Variants in GAP43 observed in about 807,000 individuals in gnomAD.
GAP43 encodes neuromodulin.
Under a neutral mutation model 18.6 loss-of-function variants are expected in GAP43, and 6 were observed. That is an observed-to-expected ratio of 0.32 (90% CI 0.18 to 0.64). The LOEUF is 0.64. Among genes scored for constraint, GAP43 ranks in the 30% least tolerant of loss-of-function variants. GAP43 has a pLI of 0.78. For synonymous variants in GAP43, 115 were observed against 111.4 expected, an observed-to-expected ratio of 1.03 and a Z score of -0.20; for missense variants, 292 against 295.5, an observed-to-expected ratio of 0.99 and a Z score of 0.09.
intron 1 of GAP43, among the ~76,000 whole-genome samples, chr3:115,628,115 T>G (rs1420206432): frequency 6.6e-6 from 1 of 152,092 alleles, no homozygotes; most frequent in Non-Finnish European, 1.5e-5. Flanking sequence ...AATTTGAGGC[T>G]TGTCTTAGAG....
intron 1 of GAP43, among the ~76,000 whole-genome samples, chr3:115,640,442 G>A (rs1576979027): frequency 6.6e-6 from 1 of 152,092 alleles, no homozygotes; most frequent in African/African-American, 2.4e-5. Context: ...TAATTCATTT[G>A]CTATTCCACT....
Position 115,631,084 on chromosome 3 carries a change from T to C in GAP43, c.30+7365T>C, listed in dbSNP as rs11921471. ...CCTCACAAGGTGGATGTAGTCAAAG[T>C]TCAATTCCCTCTCCTGTCTGCTTAG... On this transcript the variant is annotated intron_variant, in intron 1 of 2. Transcript: ENST00000305124. 5.3e-3 allele frequency among the ~76,000 whole-genome samples: 814 copies of C among 152,318 alleles called. 4 individuals are homozygous for C. The highest frequency in any genetic ancestry group is 0.019 in the African/African-American group (775 of 41,584).
chr3:115,682,527 AT>A (rs1708970516), intron 2 of GAP43, among the ~76,000 whole-genome samples: 1 of 152,130 alleles, frequency 6.6e-6, no homozygotes, highest in Non-Finnish European at 1.5e-5. Context: ...GAAGAGACAA[AT>A]TAAAGAGCAA....
intron 2 of GAP43, among the ~76,000 whole-genome samples, chr3:115,698,055 TAAA>T (rs1406033304): frequency 1.9e-5 from 1 of 53,430 alleles, no homozygotes; most frequent in African/African-American, 1.2e-4. Flanking sequence ...ATATATTATA[TAAA>T]ATATATATTA....
chr3:115,698,133 T>TATATATTATATATAATATATAAA (rs1709233822), intron 2 of GAP43, among the ~76,000 whole-genome samples: 1 of 9,412 alleles, frequency 1.1e-4, no homozygotes, highest in East Asian at 0.017. Context: ...TTATATATAA[T>TATATATTATATATAATATATAAA]ATATATAATA....
chr3:115,683,147 GCACACACACACA>G (rs869219452), intron 2 of GAP43, among the ~76,000 whole-genome samples: 29 of 127,444 alleles, frequency 2.3e-4, no homozygotes, highest in Non-Finnish European at 3.0e-4. Context: ...GCGCGCGCGC[GCACACACACACA>G]CACACACACA....
intron 1 of GAP43, among the ~76,000 whole-genome samples, chr3:115,667,236 G>A (rs1474491140): frequency 5.3e-5 from 8 of 152,122 alleles, no homozygotes; most frequent in Non-Finnish European, 1.2e-4. Flanking sequence ...TAGCCCAAGC[G>A]AAGTTCAGTT....
chr3:115,675,348 G>A (rs1708867086), intron 1 of GAP43, among the ~76,000 whole-genome samples: 1 of 152,136 alleles, frequency 6.6e-6, no homozygotes, highest in Admixed American at 6.5e-5. Flanking sequence ...TGAATTACAA[G>A]TGTGAACCAC....
rs1708810929 is a variant in GAP43, at chr3:115,671,142, AAGTT to A, written c.31-4868_31-4865del. Among the ~76,000 whole-genome samples the A allele has an allele frequency of 3.3e-5, 5 of 152,324 alleles. No homozygotes were observed. The South Asian group carries it at 1.0e-3, about 32-fold the overall frequency. ...TGGATGATGTTATTTTTAGTTCTGA[AAGTT>A]AGCCATTCATGGATTTTTGCCTAGA... On this transcript the variant is annotated intron_variant, in intron 1 of 2. Coordinates refer to ENST00000305124, the MANE Select transcript of GAP43 (RefSeq NM_002045.4).
rs56209932 is a variant in GAP43, at chr3:115,661,831, C to CTTTTTTTTTTTTTTTTT, written c.31-14168_31-14167insTTTTTTTTTTTTTTTTT. Among the ~76,000 whole-genome samples, 17 of 105,966 alleles carry CTTTTTTTTTTTTTTTTT rather than the reference C, an allele frequency of 1.6e-4. 3 individuals carry two copies. Among genetic ancestry groups the CTTTTTTTTTTTTTTTTT allele is most frequent in the Middle Eastern group, 9.6e-3 (2 of 208 alleles). 69.5% of individuals were successfully genotyped at this position (105,966 alleles called of 152,430 possible). On this transcript the variant is annotated intron_variant, in intron 1 of 2. Transcript: ENST00000305124. ...AGTTTGGCTTGGGGAGAAACTAGGGCTTTTTTTTTTTTTTACCTGGGAGCT... is the reference window on the plus strand; with the variant it reads ...AGTTTGGCTTGGGGAGAAACTAGGGCTTTTTTTTTTTTTTTTTTTTTTTTTTTTTTTACCTGGGAGCT...
At chr3:115,704,692 C>G (rs1196919416) in intron 2 of GAP43, among the ~76,000 whole-genome samples, 1 of 151,994 alleles carries the variant, frequency 6.6e-6, no homozygotes, top group Non-Finnish European at 1.5e-5. Context: ...ACATTTAGGA[C>G]TCTGGGAAGA....
At chr3:115,698,289 T>A (rs1193363539) in intron 2 of GAP43, among the ~76,000 whole-genome samples, 4 of 47,598 alleles carry the variant, frequency 8.4e-5, no homozygotes, top group Admixed American at 4.7e-4. Context: ...ATAAATATAA[T>A]ATATATATTA....
intron 1 of GAP43, among the ~76,000 whole-genome samples, chr3:115,635,947 T>A (rs1370146390): frequency 6.6e-6 from 1 of 152,096 alleles, no homozygotes; most frequent in Non-Finnish European, 1.5e-5. Flanking sequence ...TCCTGCATTA[T>A]CATTCCCGTG....
At chr3:115,684,959 G>T (rs913888211) in intron 2 of GAP43, among the ~76,000 whole-genome samples, 7 of 152,166 alleles carry the variant, frequency 4.6e-5, no homozygotes, top group African/African-American at 1.2e-4. Flanking sequence ...ATTGATTCAG[G>T]TCATAATTCT....
rs1206123164 is a variant in GAP43 at position 115,701,690 on chromosome 3, G to A, written c.629-19104G>A. Among the ~76,000 whole-genome samples, 4 of 152,022 alleles carry A rather than the reference G, an allele frequency of 2.6e-5. No homozygotes were observed. In the East Asian group the frequency reaches 5.8e-4, roughly 22 times the overall value. Reference sequence around the variant, plus strand: ...GGTTGATTTACATTGGACTTTTTTAGTTGCTGTGTTCTACCAACCTCCAAT... The same window carrying A: ...GGTTGATTTACATTGGACTTTTTTAATTGCTGTGTTCTACCAACCTCCAAT... On this transcript the variant is annotated intron_variant, in intron 2 of 2. Coordinates refer to ENST00000305124, the MANE Select transcript of GAP43 (RefSeq NM_002045.4).
intron 2 of GAP43, among the ~76,000 whole-genome samples, chr3:115,688,811 A>T (rs1226690134): frequency 6.6e-6 from 1 of 152,142 alleles, no homozygotes; most frequent in Non-Finnish European, 1.5e-5. Flanking sequence ...CACTCATACA[A>T]AGCTATGAAT....
chr3:115,701,198 G>GGTT (rs1334464809), intron 2 of GAP43, among the ~76,000 whole-genome samples: 5 of 152,142 alleles, frequency 3.3e-5, no homozygotes, highest in Non-Finnish European at 7.3e-5. Flanking sequence ...CTTGGGAACA[G>GGTT]AATGATATGT....
At chr3:115,706,397 TG>T (rs3836330) in intron 2 of GAP43, among the ~76,000 whole-genome samples, 82,627 of 151,906 alleles carry the variant, frequency 0.54, 23,179 homozygotes, top group East Asian at 0.74. Flanking sequence ...ACTACCCAGC[TG>T]GGGGGTAGGC....
At chr3:115,668,962 G>A (rs1241929814) in intron 1 of GAP43, among the ~76,000 whole-genome samples, 1 of 151,808 alleles carries the variant, frequency 6.6e-6, no homozygotes, top group Non-Finnish European at 1.5e-5. Flanking sequence ...AGGATTGCTT[G>A]AGCTTGGGAG....
Sources: allele counts gnomAD v4.1 joint callset (sites outside exome capture counted in the v4.1 genomes callset), GRCh38; gene constraint gnomAD v4.1.1; transcripts MANE v1.5; gene names NCBI Gene and HGNC (gene_info 2026-07-23, HGNC 2026-07-21).